CASZ1: variants seen among roughly 807,000 people sequenced by gnomAD.
The protein encoded by CASZ1 is zinc finger protein castor homolog 1.
Under a neutral mutation model 135.2 loss-of-function variants are expected in CASZ1, and 28 were observed. The ratio of observed to expected loss-of-function variants is 0.21; its 90% CI spans 0.15 to 0.28. CASZ1 has a LOEUF of 0.28. CASZ1 is among the 10% of genes least tolerant of loss of function. The probability of loss-of-function intolerance (pLI) is 1.00; values close to 1 mark genes in which losing one functional copy is unlikely to be tolerated. For missense variants in CASZ1, 2,161 were observed against 2,453.3 expected, an observed-to-expected ratio of 0.88 and a Z score of 2.52; for synonymous variants, 1,068 against 1,073.4, an observed-to-expected ratio of 0.99 and a Z score of 0.10.
Position 10,659,846 on chromosome 1 carries a change from G to A in CASZ1, c.1196C>T (p.Pro399Leu). The A allele has an allele frequency of 6.2e-7, 1 of 1,612,252 alleles. No individual in the cohort carries two copies. The highest frequency in any genetic ancestry group is 8.5e-7 in the Non-Finnish European group (1 of 1,179,184). ...GGGGGCACTGGGCACGCTGGCGAGG[G>A]GTGCGGGAGCCAGGCTGGGGGTGGG... ...VPPTPSLAPA[P>L]LASVPSAPSA... The change falls in exon 6 of 21, where the codon CCC becomes CTC. Residue 399 changes from proline (P) to leucine (L), a missense_variant. By Grantham distance (98) the Pro-to-Leu change is moderately conservative. Coordinates refer to ENST00000377022, the MANE Select transcript of CASZ1 (RefSeq NM_001079843.3).
At position 10,657,761 on chromosome 1, in the gene CASZ1, C is replaced by T. The variant is rs945264980; in HGVS notation, c.1409+747G>A. On this transcript the variant is annotated intron_variant, in intron 7 of 20. Coordinates refer to ENST00000377022, the MANE Select transcript of CASZ1 (RefSeq NM_001079843.3). This position sits in a 1 kb window ranked among gnomAD's most constrained non-coding sequence, Gnocchi z 5.7. ...GATCTGCGGACAGACAGGCGCCAGC[C>T]GCTGGGTGCTGCCCCATCAGAGGGC... is the stretch of plus-strand genomic sequence containing the variant. Among the ~76,000 whole-genome samples, 9 of 116,420 alleles carry T rather than the reference C, an allele frequency of 7.7e-5. No individual in the cohort carries two copies. The highest frequency in any genetic ancestry group is 3.2e-4 in the South Asian group (1 of 3,162). 76.4% of individuals were successfully genotyped at this position (116,420 alleles called of 152,430 possible).
chr1:10,655,352 T>G (rs1642750986), intron 9 of CASZ1, among the ~76,000 whole-genome samples: 1 of 152,262 alleles, frequency 6.6e-6, no homozygotes, highest in African/African-American at 2.4e-5. Flanking sequence ...ATGCTGCTCT[T>G]GGTGTTAAAG....
At chr1:10,661,226 C>T (rs764138283) in intron 5 of CASZ1, 1 of 152,406 alleles carries the variant, frequency 6.6e-6, no homozygotes, top group African/African-American at 2.4e-5. Flanking sequence ...GTCCTCCAAC[C>T]CCCTGGCCTC....
chr1:10,743,472 G>A (rs12026466), intron 2 of CASZ1, among the ~76,000 whole-genome samples: 7 of 151,576 alleles, frequency 4.6e-5, no homozygotes, highest in African/African-American at 1.5e-4. Context: ...AGTGTACCCC[G>A]GCATCCTCCA....
intron 1 of CASZ1, among the ~76,000 whole-genome samples, chr1:10,771,135 C>T (rs940076902): frequency 1.1e-4 from 16 of 152,176 alleles, no homozygotes; most frequent in African/African-American, 3.6e-4. Flanking sequence ...TTCCCAGTTG[C>T]GCCTGCTTTT....
At chr1:10,790,975 T>A (rs60389973) in intron 1 of CASZ1, among the ~76,000 whole-genome samples, 35,064 of 150,402 alleles carry the variant, frequency 0.23, 5,137 homozygotes, top group African/African-American at 0.4. Context: ...ATTTTTTTTT[T>A]AAAAAAGAAA....
chr1:10,656,826 G>T, intron 7 of CASZ1, 90 bp from the exon 8 acceptor site: 1 of 811,642 alleles, frequency 1.2e-6, no homozygotes. Context: ...GACTCTTCGG[G>T]CCCTGTATGG....
In CASZ1 at chr1:10,637,033, G is replaced by A. The variant is rs1224509659; in HGVS notation, c.*1909C>T. The A allele has an allele frequency of 6.6e-6, 1 of 152,018 alleles. No homozygotes were observed. The highest frequency in any genetic ancestry group is 1.5e-5 in the Non-Finnish European group (1 of 67,982). 9.4% of individuals were successfully genotyped at this position (152,018 alleles called of 1,614,324 possible). A position where few individuals can be genotyped will look rare whatever the true frequency, so the allele number is the denominator to read the frequency against. On this transcript the variant is annotated 3_prime_UTR_variant, in exon 21 of 21. Coordinates refer to ENST00000377022, the MANE Select transcript of CASZ1 (RefSeq NM_001079843.3). ...AAAATTACACGTTAAAATTCAAAAT[G>A]AGCTAGCAATGGCTTATAGTCCTAG...
At chr1:10,718,505 G>C (rs906313065) in intron 2 of CASZ1, among the ~76,000 whole-genome samples, 4 of 152,222 alleles carry the variant, frequency 2.6e-5, no homozygotes, top group African/African-American at 9.6e-5. Context: ...TCCCCAAGGA[G>C]GGCACGCCAG....
intron 1 of CASZ1, among the ~76,000 whole-genome samples, chr1:10,785,886 G>A (rs1640850543): frequency 6.6e-6 from 1 of 152,232 alleles, no homozygotes; most frequent in Non-Finnish European, 1.5e-5. Flanking sequence ...TGTCAGCTGG[G>A]ATCCTCTCAT....
intron 4 of CASZ1, among the ~76,000 whole-genome samples, chr1:10,692,468 G>T (rs1368042543): frequency 3.3e-5 from 5 of 152,192 alleles, no homozygotes; most frequent in Non-Finnish European, 7.3e-5. Flanking sequence ...CTGGAGGTGG[G>T]GGCAGGCAGG....
chr1:10,679,362 C>T lies in CASZ1; in HGVS notation c.17-13791G>A, dbSNP rs1371175665. 6.6e-6 allele frequency among the ~76,000 whole-genome samples: 1 copy of T among 152,306 alleles called. No individual in the cohort carries two copies. The highest frequency in any genetic ancestry group is 2.1e-4 in the South Asian group (1 of 4,830). On this transcript the variant is annotated intron_variant, in intron 4 of 20. Coordinates refer to ENST00000377022, the MANE Select transcript of CASZ1 (RefSeq NM_001079843.3). The surrounding 1 kb of genome is among the most constrained non-coding windows in gnomAD (Gnocchi z 4.7). ...TCCCAGCAGGCGGAAACACTCCCAA[C>T]CCCGGACTTAGGCCCCTGTCAGAAT...
intron 2 of CASZ1, among the ~76,000 whole-genome samples, chr1:10,758,887 G>C (rs976465055): frequency 6.6e-6 from 1 of 152,168 alleles, no homozygotes; most frequent in Admixed American, 6.5e-5. Context: ...ATTCTCACTC[G>C]GAGCCCGTGG....
intron 2 of CASZ1, among the ~76,000 whole-genome samples, chr1:10,713,208 A>T (rs1639318207): frequency 6.6e-6 from 1 of 152,258 alleles, no homozygotes; most frequent in South Asian, 2.1e-4. Context: ...AACAGCAGAA[A>T]ATCAGCTCAT....
intron 2 of CASZ1, among the ~76,000 whole-genome samples, chr1:10,718,130 C>A (rs1031630617): frequency 1.3e-5 from 2 of 152,182 alleles, no homozygotes; most frequent in African/African-American, 4.8e-5. Flanking sequence ...CCAGCTGGGG[C>A]CCCAGCCCAG....
intron 5 of CASZ1, among the ~76,000 whole-genome samples, chr1:10,663,747 C>A (rs1320471688): frequency 6.6e-6 from 1 of 152,236 alleles, no homozygotes; most frequent in African/African-American, 2.4e-5. Flanking sequence ...TCTGTGTCCT[C>A]CAGCGCTCAG....
intron 2 of CASZ1, among the ~76,000 whole-genome samples, chr1:10,740,442 A>G (rs1026354868): frequency 2.6e-5 from 4 of 152,178 alleles, no homozygotes; most frequent in African/African-American, 9.7e-5. Flanking sequence ...ATGCCTGTGT[A>G]ACAGATGGGA....
chr1:10,691,995 G>C (rs1435916269), intron 4 of CASZ1, among the ~76,000 whole-genome samples: 1 of 152,154 alleles, frequency 6.6e-6, no homozygotes, highest in African/African-American at 2.4e-5. Context: ...CTGACCTCAG[G>C]GTCCCTTCTA....
intron 2 of CASZ1, among the ~76,000 whole-genome samples, chr1:10,754,362 G>A (rs1009613051): frequency 6.6e-5 from 10 of 152,022 alleles, no homozygotes; most frequent in Non-Finnish European, 1.2e-4. Context: ...TCTTCATTTC[G>A]AGCACCTACA....
Sources: allele counts gnomAD v4.1 joint callset (sites outside exome capture counted in the v4.1 genomes callset), GRCh38; gene constraint gnomAD v4.1.1; non-coding constraint Gnocchi (gnomAD v3.1); transcripts MANE v1.5; gene names NCBI Gene and HGNC (gene_info 2026-07-23, HGNC 2026-07-21).